FTO: variants seen among roughly 807,000 people sequenced by gnomAD.
FTO encodes alpha-ketoglutarate-dependent dioxygenase FTO.
Under a neutral mutation model 63.9 loss-of-function variants are expected in FTO, and 47 were observed. The ratio of observed to expected loss-of-function variants is 0.74; its 90% CI spans 0.58 to 0.94. The LOEUF is 0.94. Among genes scored for constraint, FTO ranks in the 40% least tolerant of loss-of-function variants. FTO has a pLI of 0.00. For missense variants in FTO, 562 were observed against 618.1 expected (o/e 0.91, Z 0.96); for synonymous variants, 207 against 224.4 (o/e 0.92, Z 0.69).
intron 1 of FTO, among the ~76,000 whole-genome samples, chr16:53,765,213 C>T (rs899772063): frequency 6.6e-6 from 1 of 152,162 alleles, no homozygotes; most frequent in East Asian, 1.9e-4. Context: ...AGACGAGAGT[C>T]CCTCTTCTCA....
chr16:53,878,349 G>A (rs751156479), intron 5 of FTO, among the ~76,000 whole-genome samples: 17 of 152,106 alleles, frequency 1.1e-4, no homozygotes, highest in Admixed American at 2.6e-4. Context: ...ACAAAAATGA[G>A]TGGTCATTCA....
At chr16:53,861,833 G>T (rs562670029) in intron 4 of FTO, among the ~76,000 whole-genome samples, 2 of 152,224 alleles carry the variant, frequency 1.3e-5, no homozygotes, top group African/African-American at 4.8e-5. Flanking sequence ...AAGACTAATG[G>T]CAGGGGAGTG....
At position 53,739,371 on chromosome 16, in the gene FTO, G is replaced by GT. The variant is rs57891950; in HGVS notation, c.45+35158dup. ...TAGGCGCCCGCCACCACACCTGGCT[G>GT]TTTTTTTTTTTTTTTTCTATTTTTA... On this transcript the variant is annotated intron_variant, in intron 1 of 8. Coordinates refer to ENST00000471389, the MANE Select transcript of FTO (RefSeq NM_001080432.3). Among the ~76,000 whole-genome samples, 987 of 137,118 alleles carry GT rather than the reference G, an allele frequency of 7.2e-3. 8 individuals carry two copies. Among genetic ancestry groups the GT allele is most frequent in the African/African-American group, 0.019 (726 of 37,326 alleles). The allele number at this position is 137,118 out of a possible 152,430, so 90.0% of individuals were successfully genotyped here. A position where few individuals can be genotyped will look rare whatever the true frequency, so the allele number is the denominator to read the frequency against.
chr16:53,729,761 T>A lies in FTO; in HGVS notation c.45+25532T>A, dbSNP rs527636866. On this transcript the variant is annotated intron_variant, in intron 1 of 8. Coordinates refer to ENST00000471389, the MANE Select transcript of FTO (RefSeq NM_001080432.3). ...TCTGTCCTTTTCTCTTTCTAGACTC[T>A]TCTCCTCCCTTCTCATTGGCACCTA... Among the ~76,000 whole-genome samples the A allele has an allele frequency of 2.0e-5, 3 of 152,200 alleles. No individual in the cohort carries two copies. In the East Asian group the frequency reaches 5.8e-4, roughly 29 times the overall value.
intron 8 of FTO, among the ~76,000 whole-genome samples, chr16:53,938,973 C>T (rs1478945831): frequency 6.6e-6 from 1 of 151,910 alleles, no homozygotes; most frequent in Non-Finnish European, 1.5e-5. Flanking sequence ...TGGCGGGTGC[C>T]TGTAGTCCCA....
intron 8 of FTO, among the ~76,000 whole-genome samples, chr16:54,086,325 A>T (rs568683901): frequency 6.6e-6 from 1 of 152,358 alleles, no homozygotes; most frequent in East Asian, 1.9e-4. Flanking sequence ...TATAATCAGC[A>T]TACTTGCTGG....
intron 8 of FTO, among the ~76,000 whole-genome samples, chr16:54,022,605 G>A (rs1388692775): frequency 6.6e-6 from 1 of 152,172 alleles, no homozygotes; most frequent in Non-Finnish European, 1.5e-5. Context: ...GTGACGGCTT[G>A]TCAATAGCAG....
At chr16:54,081,039 C>G (rs1443531285) in intron 8 of FTO, among the ~76,000 whole-genome samples, 1 of 152,178 alleles carries the variant, frequency 6.6e-6, no homozygotes, top group African/African-American at 2.4e-5. Context: ...TCAGAGGCTG[C>G]CTCTGTGCTT....
chr16:53,752,047 A>T (rs184722685), intron 1 of FTO, among the ~76,000 whole-genome samples: 4 of 152,360 alleles, frequency 2.6e-5, no homozygotes, highest in African/African-American at 7.2e-5. Context: ...GCACAAAGAC[A>T]TATGTATAAG....
intron 2 of FTO, among the ~76,000 whole-genome samples, chr16:53,817,851 A>G (rs2078741043): frequency 6.6e-6 from 1 of 152,232 alleles, no homozygotes; most frequent in Admixed American, 6.5e-5. Flanking sequence ...TATCTAAAAT[A>G]CCTTTCCAAA....
intron 6 of FTO, among the ~76,000 whole-genome samples, chr16:53,885,304 G>A (rs995833833): frequency 6.6e-6 from 1 of 152,118 alleles, no homozygotes; most frequent in Non-Finnish European, 1.5e-5. Context: ...TGGCAGTGGG[G>A]AAACTGGTAA....
intron 8 of FTO, among the ~76,000 whole-genome samples, chr16:53,949,335 G>A (rs2082718950): frequency 6.6e-6 from 1 of 152,218 alleles, no homozygotes; most frequent in African/African-American, 2.4e-5. Context: ...ACATAGAGGT[G>A]TGAGTTGGGA....
intron 7 of FTO, among the ~76,000 whole-genome samples, chr16:53,893,204 A>G (rs2081196305): frequency 6.6e-6 from 1 of 152,210 alleles, no homozygotes; most frequent in Non-Finnish European, 1.5e-5. Context: ...TAACCCAGGA[A>G]TTTAGTCTGG....
At chr16:54,019,009 G>T (rs2084526694) in intron 8 of FTO, among the ~76,000 whole-genome samples, 1 of 152,164 alleles carries the variant, frequency 6.6e-6, no homozygotes, top group Non-Finnish European at 1.5e-5. Context: ...GCCCAATGAT[G>T]CGATTGGAGA....
At chr16:53,722,982 G>T (rs917854259) in intron 1 of FTO, among the ~76,000 whole-genome samples, 2 of 152,040 alleles carry the variant, frequency 1.3e-5, no homozygotes, top group African/African-American at 2.4e-5. Context: ...TATGTGTCCC[G>T]ATTCATTTTG....
intron 1 of FTO, among the ~76,000 whole-genome samples, chr16:53,739,238 C>G (rs529030259): frequency 0.054 from 8,171 of 152,168 alleles, 358 homozygotes; most frequent in African/African-American, 0.12. Context: ...CGGAGTCTCG[C>G]TCTGTCGCCC....
intron 4 of FTO, among the ~76,000 whole-genome samples, chr16:53,864,759 G>T (rs892626769): frequency 4.6e-5 from 7 of 152,136 alleles, no homozygotes; most frequent in Non-Finnish European, 1.0e-4. Flanking sequence ...TTAAAGCTGG[G>T]AGGGTCTTAA....
chr16:53,713,499 G>A (rs746304649), intron 1 of FTO, among the ~76,000 whole-genome samples: 1 of 152,108 alleles, frequency 6.6e-6, no homozygotes, highest in Non-Finnish European at 1.5e-5. Flanking sequence ...AACTGGTTTT[G>A]TAATATTTTA....
intron 8 of FTO, among the ~76,000 whole-genome samples, chr16:53,978,957 C>A (rs933359109): frequency 1.3e-5 from 2 of 152,094 alleles, no homozygotes. Context: ...TGAGATCATG[C>A]CGCTGCACTC....
Sources: allele counts gnomAD v4.1 joint callset (sites outside exome capture counted in the v4.1 genomes callset), GRCh38; gene constraint gnomAD v4.1.1; transcripts MANE v1.5; gene names NCBI Gene and HGNC (gene_info 2026-07-23, HGNC 2026-07-21).